The following IQSEC1 variants were observed in gnomAD, a reference collection of about 807,000 sequenced individuals.
The protein encoded by IQSEC1 is IQ motif and Sec7 domain ArfGEF 1.
In IQSEC1, 31 loss-of-function variants were observed where a neutral mutation model predicts 91.0. The ratio of observed to expected loss-of-function variants is 0.34; its 90% CI spans 0.26 to 0.46. The LOEUF (loss-of-function observed/expected upper bound fraction) is 0.46. Ranked by LOEUF, IQSEC1 falls within the 20% of genes least tolerant of loss-of-function variation. IQSEC1 has a pLI of 1.00. For missense variants in IQSEC1, 1,388 were observed against 1,575.6 expected (o/e 0.88, Z 2.02); for synonymous variants, 699 against 662.6 (o/e 1.05, Z -0.84).
chr3:13,059,124 C>T (rs1408241976), intron 1 of IQSEC1, among the ~76,000 whole-genome samples: 1 of 152,094 alleles, frequency 6.6e-6, no homozygotes, highest in African/African-American at 2.4e-5. Flanking sequence ...TGACCTCCTT[C>T]CACCCCCGAC....
At chr3:12,986,078 G>C (rs1701718797) in intron 1 of IQSEC1, among the ~76,000 whole-genome samples, 1 of 152,186 alleles carries the variant, frequency 6.6e-6, no homozygotes, top group African/African-American at 2.4e-5. Flanking sequence ...CCTGAGGAGG[G>C]AGATGCTATT....
chr3:12,944,707 AGAG>A (rs1427638536), intron 1 of IQSEC1, among the ~76,000 whole-genome samples: 1 of 152,152 alleles, frequency 6.6e-6, no homozygotes, highest in Non-Finnish European at 1.5e-5. Context: ...TCCGCTCCTA[AGAG>A]GAGGATTCAA....
rs376469385 is a variant in IQSEC1, at chr3:13,144,696, C to T, written c.302+19408G>A. On this transcript the variant is annotated intron_variant, in intron 2 of 15. Transcript: ENST00000648114. ...ATCTCCCACACTCCCTCCTCCATCA[C>T]GTGGCTCCCACGGCTGCCACTGGAG... is the stretch of plus-strand genomic sequence containing the variant. Among the ~76,000 whole-genome samples, 13 of 152,348 alleles carry T rather than the reference C, an allele frequency of 8.5e-5. No individual in the cohort carries two copies. In the East Asian group the frequency reaches 2.1e-3, roughly 25 times the overall value.
rs143684846 is a variant in IQSEC1 at position 12,971,378 on chromosome 3, G to A, written c.24-29513C>T. ...ATCCTACAGCGCCGCCTGCCCATGT[G>A]CACATAGAGGCATGCCCAAGGATAT... On this transcript the variant is annotated intron_variant, in intron 1 of 13. Coordinates refer to ENST00000613206, the MANE Select transcript of IQSEC1 (RefSeq NM_001134382.3). Among the ~76,000 whole-genome samples, 707 of 152,074 alleles carry A rather than the reference G, an allele frequency of 4.6e-3. 5 individuals are homozygous for A. Among genetic ancestry groups the A allele is most frequent in the Middle Eastern group, 0.027 (8 of 294 alleles).
Position 12,924,681 on chromosome 3 carries a change from C to T in IQSEC1, c.1630G>A (p.Gly544Arg), listed in dbSNP as rs1049023791. The stretch of plus-strand genomic sequence containing the variant: ...CGCTGCAGCAGGAAGTGGGCCACCC[C>T]GACGGGCGTGTCGGGCACAAAGCCA... ...ERGFVPDTPV[G>R]VAHFLLQRKG... Residue 544 changes from glycine to arginine, a missense_variant, in exon 4 of 14, where the codon GGG (glycine) becomes AGG (arginine). Around this residue, in one of 2 missense-constraint regions of IQSEC1, gnomAD observed 1,059 missense variants for 1,317.8 expected, o/e 0.80. Transcript: ENST00000613206. This position sits in a 1 kb window ranked among gnomAD's most constrained non-coding sequence, Gnocchi z 6.3. 6.2e-7 allele frequency: 1 copy of T among 1,609,508 alleles called. No homozygotes were observed. Among genetic ancestry groups the T allele is most frequent in the Non-Finnish European group, 8.5e-7 (1 of 1,177,736 alleles).
intron 2 of IQSEC1, among the ~76,000 whole-genome samples, chr3:13,081,100 T>TA (rs1004984515): frequency 1.4e-4 from 21 of 152,044 alleles, no homozygotes; most frequent in African/African-American, 4.1e-4. Context: ...GATGACTGCG[T>TA]AAAAAAAAGC....
chr3:13,041,307 C>T lies in IQSEC1; in HGVS notation c.23+31685G>A, dbSNP rs1040078819. 6.6e-5 allele frequency among the ~76,000 whole-genome samples: 10 copies of T among 152,216 alleles called. 1 individual carries two copies. The South Asian group carries it at 8.3e-4, about 13-fold the overall frequency. On this transcript the variant is annotated intron_variant, in intron 1 of 13. Coordinates refer to ENST00000613206, the MANE Select transcript of IQSEC1 (RefSeq NM_001134382.3). The stretch of plus-strand genomic sequence containing the variant: ...TCTGATGTGGCTTGCACTAATCAGA[C>T]GCAGGACAGGCCTCTCTCGCTGGCA...
rs2124978198 is a variant in IQSEC1, at chr3:12,901,134, C to G, written c.3194G>C (p.Gly1065Ala). 2 of 1,541,508 alleles carry G rather than the reference C, an allele frequency of 1.3e-6. No homozygotes were observed. The highest frequency in any genetic ancestry group is 4.9e-5 in the East Asian group (2 of 40,878). Reference sequence around the variant, plus strand: ...GGCATGGGCCCCGTAGGCTGGGTGGCCCCCATGGGGGCCGTGGTGGTACTG... The same window carrying G: ...GGCATGGGCCCCGTAGGCTGGGTGGGCCCCATGGGGGCCGTGGTGGTACTG... ...AHQYHHGPHG[G>A]HPAYGAHAHG... Residue 1065 changes from glycine to alanine, a missense_variant, in exon 14 of 14, where the codon GGC (glycine) becomes GCC (alanine). By Grantham distance (60) the Gly-to-Ala change is moderately conservative. Transcript: ENST00000613206.
intron 1 of IQSEC1, among the ~76,000 whole-genome samples, chr3:12,997,250 G>T (rs1459523727): frequency 6.6e-6 from 1 of 152,212 alleles, no homozygotes; most frequent in East Asian, 1.9e-4. Flanking sequence ...GTAGATGTGT[G>T]TGGGAATTTC....
chr3:13,000,904 GA>G (rs1702392473), intron 1 of IQSEC1, among the ~76,000 whole-genome samples: 1 of 151,236 alleles, frequency 6.6e-6, no homozygotes, highest in Non-Finnish European at 1.5e-5. Context: ...TTACAGGTGA[GA>G]AAACAGAGGC....
At chr3:12,996,715 G>A (rs931001096) in intron 1 of IQSEC1, among the ~76,000 whole-genome samples, 20 of 152,084 alleles carry the variant, frequency 1.3e-4, no homozygotes, top group Non-Finnish European at 5.9e-5. Flanking sequence ...CTTTCAAATC[G>A]ATAGGAAAAA....
chr3:13,237,532 T>C (rs1694952600), intron 1 of IQSEC1, among the ~76,000 whole-genome samples: 1 of 152,172 alleles, frequency 6.6e-6, no homozygotes, highest in South Asian at 2.1e-4. Flanking sequence ...TCTGAACCGG[T>C]GCAGGCCCCG....
chr3:13,048,180 T>C (rs1704567211), intron 1 of IQSEC1, among the ~76,000 whole-genome samples: 1 of 152,210 alleles, frequency 6.6e-6, no homozygotes, highest in Non-Finnish European at 1.5e-5. Flanking sequence ...AGTTTCCTCA[T>C]GTGTAAAATG....
chr3:13,162,801 G>C (rs1490776920), intron 2 of IQSEC1, among the ~76,000 whole-genome samples: 1 of 152,118 alleles, frequency 6.6e-6, no homozygotes, highest in Admixed American at 6.5e-5. Flanking sequence ...TTCCAGGGTG[G>C]AGCCATGTGG....
intron 1 of IQSEC1, among the ~76,000 whole-genome samples, chr3:13,232,178 G>A (rs1007008174): frequency 7.2e-5 from 11 of 152,224 alleles, no homozygotes; most frequent in African/African-American, 1.7e-4. Flanking sequence ...AGGGAGTTGC[G>A]AAGTGTTTGC....
intron 1 of IQSEC1, among the ~76,000 whole-genome samples, chr3:13,271,904 GA>G (rs1695596267): frequency 6.6e-6 from 1 of 152,138 alleles, no homozygotes; most frequent in Admixed American, 6.5e-5. Context: ...GACCAACAAG[GA>G]AATATAAGAC....
At chr3:13,124,929 C>CATCCT (rs1255278590) in intron 2 of IQSEC1, among the ~76,000 whole-genome samples, 1 of 152,206 alleles carries the variant, frequency 6.6e-6, no homozygotes, top group Admixed American at 6.5e-5. Flanking sequence ...TCCGTGCCAC[C>CATCCT]ATCCTGGCCT....
exon 1 of IQSEC1, among the ~76,000 whole-genome samples, chr3:13,283,088 G>T (rs1695829667): frequency 6.9e-6 from 1 of 144,376 alleles, no homozygotes; most frequent in African/African-American, 2.5e-5. Context: ...GCGGCGCGGG[G>T]CTGCCGCGGC....
At chr3:13,128,594 A>G (rs918731736) in intron 2 of IQSEC1, among the ~76,000 whole-genome samples, 3 of 152,176 alleles carry the variant, frequency 2.0e-5, no homozygotes, top group African/African-American at 2.4e-5. Flanking sequence ...AGCCGGGCAC[A>G]GTGGCTCACG....
Sources: allele counts gnomAD v4.1 joint callset (sites outside exome capture counted in the v4.1 genomes callset), GRCh38; gene constraint gnomAD v4.1.1; regional missense constraint gnomAD v4.1.1; non-coding constraint Gnocchi (gnomAD v3.1); transcripts MANE v1.5; gene names NCBI Gene and HGNC (gene_info 2026-07-23, HGNC 2026-07-21).